Variants in VPS13B observed in about 807,000 individuals in gnomAD.
VPS13B encodes intermembrane lipid transfer protein VPS13B.
In VPS13B, 285 loss-of-function variants were observed where a neutral mutation model predicts 426.4. The observed-to-expected ratio is 0.67, with a 90% CI of 0.61 to 0.74. The LOEUF is 0.74. Among genes scored for constraint, VPS13B ranks in the 30% least tolerant of loss-of-function variants. The pLI, the probability that VPS13B is intolerant of heterozygous loss-of-function variation, is 0.00. For synonymous variants in VPS13B, 1,676 were observed against 1,676.4 expected, an observed-to-expected ratio of 1.00 and a Z score of 0.01; for missense variants, 4,537 against 4,782.6, an observed-to-expected ratio of 0.95 and a Z score of 1.51.
intron 35 of VPS13B, among the ~76,000 whole-genome samples, chr8:99,664,945 C>G (rs375377118): frequency 3.4e-4 from 51 of 152,212 alleles, no homozygotes; most frequent in Admixed American, 1.0e-3. Context: ...CAGTGTAAAA[C>G]TGTTCCTATT....
intron 2 of VPS13B, among the ~76,000 whole-genome samples, chr8:99,028,587 C>G (rs1318851757): frequency 1.5e-5 from 2 of 129,670 alleles, no homozygotes; most frequent in African/African-American, 2.9e-5. Flanking sequence ...CCCCCTCCCC[C>G]CTCCCGGACG....
chr8:99,558,979 T>G (rs111276877), intron 31 of VPS13B, among the ~76,000 whole-genome samples: 229 of 152,302 alleles, frequency 1.5e-3, no homozygotes, highest in African/African-American at 5.1e-3. Flanking sequence ...CTTGAGGAAT[T>G]GCCACACTGT....
intron 31 of VPS13B, among the ~76,000 whole-genome samples, chr8:99,567,823 T>A (rs1825260721): frequency 6.6e-6 from 1 of 152,234 alleles, no homozygotes; most frequent in Admixed American, 6.5e-5. Flanking sequence ...TTGCCATTGT[T>A]GTTTCAGCAC....
Position 99,819,923 on chromosome 8 carries a change from A to G in VPS13B, c.8795A>G (p.Asn2932Ser), listed in dbSNP as rs901124705. 2.5e-6 allele frequency: 4 copies of G among 1,613,956 alleles called. No homozygotes were observed. Among genetic ancestry groups the G allele is most frequent in the African/African-American group, 2.7e-5 (2 of 75,056 alleles). ...WPYNKKDSDRNEQLSQWDSPM... is the reference protein window; with the variant it reads ...WPYNKKDSDRSEQLSQWDSPM... The stretch of plus-strand genomic sequence containing the variant: ...CTTGGATGTGGTTTTTGGAACAGGA[A>G]TGAACAGCTAAGTCAGTGGGATAGC... The change falls in exon 49 of 62, where the codon AAT becomes AGT. Residue 2932 changes from asparagine (N) to serine (S), a missense_variant and splice_region_variant. Physicochemically the swap from Asn to Ser is conservative, Grantham distance 46. Around this residue, in one of 2 missense-constraint regions of VPS13B, gnomAD observed 4,311 missense variants for 4,474.3 expected, o/e 0.96. Transcript: ENST00000357162.
At chr8:99,773,995 T>C (rs1588700307) in intron 40 of VPS13B, among the ~76,000 whole-genome samples, 1 of 152,336 alleles carries the variant, frequency 6.6e-6, no homozygotes, top group East Asian at 1.9e-4. Flanking sequence ...AGCAGGGTCA[T>C]CACTCATATT....
At position 99,835,244 on chromosome 8, in the gene VPS13B, C is replaced by A. The variant is rs143852398; in HGVS notation, c.9662C>A (p.Thr3221Asn). ...GAACACCTCGGAGTGACTTATTTAA[C>A]CCTCTCAGAAGACCCTAGTCCTCGA... ...YQEHLGVTYL[T>N]LSEDPSPRVI... Residue 3221 changes from threonine to asparagine, a missense_variant, in exon 53 of 62, where the codon ACC (threonine) becomes AAC (asparagine). Physicochemically the swap from Thr to Asn is moderately conservative, Grantham distance 65. Around this residue, in one of 2 missense-constraint regions of VPS13B, gnomAD observed 4,311 missense variants for 4,474.3 expected, o/e 0.96. Transcript: ENST00000357162. 1.2e-6 allele frequency: 2 copies of A among 1,613,928 alleles called. No homozygotes were observed. The highest frequency in any genetic ancestry group is 2.7e-5 in the African/African-American group (2 of 74,990).
intron 35 of VPS13B, among the ~76,000 whole-genome samples, chr8:99,686,547 G>T (rs761692180): frequency 2.9e-4 from 44 of 152,084 alleles, no homozygotes; most frequent in Non-Finnish European, 5.6e-4. Context: ...CTGAGAATGA[G>T]CTGGCACCCA....
rs1829233313 is a variant in VPS13B, at chr8:99,639,771, G to A, written c.5221-2040G>A. 2.0e-5 allele frequency among the ~76,000 whole-genome samples: 3 copies of A among 148,998 alleles called. No individual in the cohort carries two copies. In the South Asian group the frequency reaches 6.3e-4, roughly 31 times the overall value. On this transcript the variant is annotated intron_variant, in intron 33 of 61. Coordinates refer to ENST00000357162, the MANE Select transcript of VPS13B (RefSeq NM_152564.5). ...GGATTGCTTGAGGCCAGGAGTTTGA[G>A]ACCAGGTTGGGCTACACTATGAGAC...
chr8:99,120,718 AT>A (rs967708057), intron 7 of VPS13B: 9 of 148,890 alleles, frequency 6.0e-5, no homozygotes, highest in Admixed American at 1.3e-4. Context: ...AGCACTTGCC[AT>A]TTTTTTTTTC....
rs1334292824 is a variant in VPS13B at position 99,748,058 on chromosome 8, A to G, written c.7051-18716A>G. 2.6e-5 allele frequency among the ~76,000 whole-genome samples: 4 copies of G among 151,996 alleles called. No individual in the cohort carries two copies. In the East Asian group the frequency reaches 7.7e-4, roughly 29 times the overall value. ...ATTTTTGTAAACTTTCATGAATCTC[A>G]AGAGAAAAATTTGCCACCTATAACC... On this transcript the variant is annotated intron_variant, in intron 39 of 61. Coordinates refer to ENST00000357162, the MANE Select transcript of VPS13B (RefSeq NM_152564.5).
intron 17 of VPS13B, among the ~76,000 whole-genome samples, chr8:99,251,396 CT>C (rs995077284): frequency 6.6e-6 from 1 of 151,450 alleles, no homozygotes; most frequent in Non-Finnish European, 1.5e-5. Flanking sequence ...TTGTCAAATG[CT>C]TTTTTTGCAT....
rs139156048 is a variant in VPS13B at position 99,178,586 on chromosome 8, G to A, written c.2333+8423G>A. Among the ~76,000 whole-genome samples the A allele has an allele frequency of 2.0e-3, 300 of 151,870 alleles. 1 individual carries two copies. Among genetic ancestry groups the A allele is most frequent in the Non-Finnish European group, 5.3e-4 (36 of 67,908 alleles). On this transcript the variant is annotated intron_variant, in intron 16 of 61. Coordinates refer to ENST00000357162, the MANE Select transcript of VPS13B (RefSeq NM_152564.5). ...ATGGTAGACCTAGAGAGATAAAATC[G>A]CTTGCATTGGACATCTTTTATTTAT...
intron 21 of VPS13B, among the ~76,000 whole-genome samples, chr8:99,418,963 C>T (rs1003788936): frequency 6.6e-6 from 1 of 152,168 alleles, no homozygotes; most frequent in African/African-American, 2.4e-5. Context: ...CCTACTGAAC[C>T]ATTTCTCTCG....
intron 3 of VPS13B, among the ~76,000 whole-genome samples, chr8:99,077,162 G>T (rs1036145025): frequency 1.6e-4 from 25 of 151,820 alleles, no homozygotes; most frequent in African/African-American, 5.8e-4. Context: ...CTCTTAGAAA[G>T]ATGTTACTGT....
intron 12 of VPS13B, among the ~76,000 whole-genome samples, chr8:99,139,178 C>T (rs924456227): frequency 9.9e-5 from 15 of 152,164 alleles, no homozygotes; most frequent in African/African-American, 2.2e-4. Flanking sequence ...AGAAATAGGA[C>T]ATTGTTAGCA....
intron 17 of VPS13B, among the ~76,000 whole-genome samples, chr8:99,222,745 A>G (rs1383676795): frequency 6.6e-6 from 1 of 152,234 alleles, no homozygotes; most frequent in Non-Finnish European, 1.5e-5. Flanking sequence ...TTCATGAGGC[A>G]AATAGTTGTT....
Position 99,349,063 on chromosome 8 carries a change from G to A in VPS13B, c.2825-35145G>A, listed in dbSNP as rs970065348. ...TATTTGAAAATAGCGGCCGGGCGCG[G>A]TGGCTCACGCCTGTAATCCCAGCAC... is the stretch of plus-strand genomic sequence containing the variant. On this transcript the variant is annotated intron_variant, in intron 19 of 61. Coordinates refer to ENST00000357162, the MANE Select transcript of VPS13B (RefSeq NM_152564.5). Among the ~76,000 whole-genome samples the A allele has an allele frequency of 2.6e-5, 4 of 151,650 alleles. No individual in the cohort carries two copies. In the East Asian group the frequency reaches 5.8e-4, roughly 22 times the overall value.
chr8:99,042,061 A>G (rs1842986655), intron 3 of VPS13B, among the ~76,000 whole-genome samples: 1 of 151,262 alleles, frequency 6.6e-6, no homozygotes, highest in South Asian at 2.1e-4. Context: ...AATTGCTTGA[A>G]CCCAGGAGGC....
intron 14 of VPS13B, among the ~76,000 whole-genome samples, chr8:99,154,608 G>A (rs545256891): frequency 1.3e-5 from 2 of 152,296 alleles, no homozygotes; most frequent in South Asian, 4.1e-4. Context: ...AGAAAGCAAA[G>A]TATAAATTTG....
Sources: allele counts gnomAD v4.1 joint callset (sites outside exome capture counted in the v4.1 genomes callset), GRCh38; gene constraint gnomAD v4.1.1; regional missense constraint gnomAD v4.1.1; transcripts MANE v1.5; gene names NCBI Gene and HGNC (gene_info 2026-07-23, HGNC 2026-07-21).